Variants in ZC3H3 observed in about 807,000 individuals in gnomAD.
ZC3H3 encodes zinc finger CCCH domain-containing protein 3.
ZC3H3 carries 36 observed loss-of-function variants against 77.3 expected under a neutral mutation model. The ratio of observed to expected loss-of-function variants is 0.47; its 90% confidence interval spans 0.36 to 0.61. The LOEUF (loss-of-function observed/expected upper bound fraction) is 0.61, where lower values mean the gene tolerates loss of function less well. ZC3H3 is among the 20% of genes least tolerant of loss of function. The pLI is 0.00. For synonymous variants in ZC3H3, 626 were observed against 555.2 expected, an observed-to-expected ratio of 1.13 and a Z score of -1.79; for missense variants, 1,331 against 1,312.2, an observed-to-expected ratio of 1.01 and a Z score of -0.22.
At chr8:143,479,294 G>GGT (rs1222230642) in intron 4 of ZC3H3, among the ~76,000 whole-genome samples, 2 of 152,160 alleles carry the variant, frequency 1.3e-5, no homozygotes, top group African/African-American at 2.4e-5. Flanking sequence ...CACGGCCGTG[G>GGT]GTGTCACAGC....
At chr8:143,459,400 T>C (rs749721397) in intron 9 of ZC3H3, among the ~76,000 whole-genome samples, 1 of 152,110 alleles carries the variant, frequency 6.6e-6, no homozygotes, top group Non-Finnish European at 1.5e-5. Context: ...ACTACAAAAA[T>C]TAGCTGGGCC....
rs1371515705 is a variant in ZC3H3, at chr8:143,499,418, C to A, written c.1715+8328G>T. On this transcript the variant is annotated intron_variant, in intron 4 of 11. Coordinates refer to ENST00000262577, the MANE Select transcript of ZC3H3 (RefSeq NM_015117.3). Reference sequence around the variant, plus strand: ...GCTCCCCGCCCCCTCTGTGCTCTGGCCCTGGGTCTTGCCCCTCTGTCCTGA... The same window carrying A: ...GCTCCCCGCCCCCTCTGTGCTCTGGACCTGGGTCTTGCCCCTCTGTCCTGA... Among the ~76,000 whole-genome samples the A allele has an allele frequency of 2.0e-5, 3 of 152,078 alleles. No homozygotes were observed. The East Asian group carries it at 5.8e-4, about 29-fold the overall frequency.
chr8:143,461,262 G>A (rs545376306), intron 9 of ZC3H3, among the ~76,000 whole-genome samples: 69 of 152,242 alleles, frequency 4.5e-4, no homozygotes, highest in African/African-American at 1.5e-3. Flanking sequence ...GGTGCTCTGC[G>A]CATCCAGGCC....
intron 3 of ZC3H3, among the ~76,000 whole-genome samples, chr8:143,526,920 A>G (rs537705282): frequency 6.6e-6 from 1 of 152,260 alleles, no homozygotes; most frequent in East Asian, 1.9e-4. Context: ...AGACACCGCC[A>G]GGAGGCAAGC....
chr8:143,480,588 G>GC (rs1820881493), intron 4 of ZC3H3, among the ~76,000 whole-genome samples: 1 of 152,208 alleles, frequency 6.6e-6, no homozygotes, highest in Non-Finnish European at 1.5e-5. Flanking sequence ...TGCACTGCCT[G>GC]CCCCCAGGGT....
intron 4 of ZC3H3, among the ~76,000 whole-genome samples, chr8:143,485,114 AG>A (rs1273750157): frequency 6.6e-6 from 1 of 152,248 alleles, no homozygotes; most frequent in Non-Finnish European, 1.5e-5. Flanking sequence ...CAAATAACTG[AG>A]GAAAAATTCT....
At chr8:143,470,339 G>A (rs995365660) in intron 5 of ZC3H3, among the ~76,000 whole-genome samples, 3 of 152,252 alleles carry the variant, frequency 2.0e-5, no homozygotes, top group Non-Finnish European at 4.4e-5. Flanking sequence ...AGGAAAGGGG[G>A]CGTTGAAGAA....
chr8:143,478,344 G>A (rs1235016486), intron 4 of ZC3H3, among the ~76,000 whole-genome samples: 2 of 152,188 alleles, frequency 1.3e-5, no homozygotes, highest in Non-Finnish European at 2.9e-5. Context: ...AGCCACAGCT[G>A]GCCAGGCCCA....
intron 9 of ZC3H3, among the ~76,000 whole-genome samples, chr8:143,461,055 T>C (rs1029918108): frequency 2.0e-5 from 3 of 152,170 alleles, no homozygotes; most frequent in African/African-American, 7.2e-5. Flanking sequence ...TAGTTAGCTA[T>C]TGAACTAAGT....
chr8:143,451,617 C>G (rs1188511348), intron 9 of ZC3H3, among the ~76,000 whole-genome samples: 1 of 151,848 alleles, frequency 6.6e-6, no homozygotes, highest in Non-Finnish European at 1.5e-5. Flanking sequence ...CACCCTGTCT[C>G]TACTAAAAAT....
chr8:143,453,729 C>G (rs1820044826), intron 9 of ZC3H3, among the ~76,000 whole-genome samples: 1 of 152,116 alleles, frequency 6.6e-6, no homozygotes, highest in South Asian at 2.1e-4. Context: ...CCATCTCTTC[C>G]CCAGTTTTTA....
At chr8:143,497,735 C>T (rs1051418147) in intron 4 of ZC3H3, among the ~76,000 whole-genome samples, 2 of 152,238 alleles carry the variant, frequency 1.3e-5, no homozygotes, top group African/African-American at 2.4e-5. Context: ...GAACCAGGGC[C>T]GTCGCTACAT....
intron 9 of ZC3H3, among the ~76,000 whole-genome samples, chr8:143,463,025 G>T (rs10111294): frequency 1.1e-4 from 16 of 149,610 alleles, no homozygotes; most frequent in African/African-American, 3.7e-4. Context: ...CTCTTGTCAC[G>T]TAGGCTGGAG....
intron 3 of ZC3H3, among the ~76,000 whole-genome samples, chr8:143,524,035 G>A (rs1411670023): frequency 6.6e-6 from 1 of 152,254 alleles, no homozygotes; most frequent in Admixed American, 6.5e-5. Context: ...GCCTGGAACA[G>A]AAGTCCGTGT....
At position 143,457,964 on chromosome 8, in the gene ZC3H3, C is replaced by T. The variant is rs1820164142; in HGVS notation, c.2307+7753G>A. Among the ~76,000 whole-genome samples, 3 of 151,918 alleles carry T rather than the reference C, an allele frequency of 2.0e-5. No individual in the cohort carries two copies. The South Asian group carries it at 6.2e-4, about 32-fold the overall frequency. The stretch of plus-strand genomic sequence containing the variant: ...AACAGCAAAATAAACCACAAGTAAG[C>T]AGAAAGAAAGAAATAATAAGAGCAG... On this transcript the variant is annotated intron_variant, in intron 9 of 11. Transcript: ENST00000262577.
chr8:143,529,682 G>C (rs1237211860), intron 3 of ZC3H3, among the ~76,000 whole-genome samples: 2 of 152,210 alleles, frequency 1.3e-5, no homozygotes, highest in Non-Finnish European at 2.9e-5. Context: ...TAGAGGGTGA[G>C]ACCCAGTATC....
intron 3 of ZC3H3, among the ~76,000 whole-genome samples, chr8:143,526,642 G>A (rs538768193): frequency 1.3e-5 from 2 of 152,308 alleles, no homozygotes; most frequent in East Asian, 3.9e-4. Context: ...AGAGACAGAG[G>A]AGGCTGGCAG....
chr8:143,516,833 C>T (rs1273242293), intron 3 of ZC3H3, among the ~76,000 whole-genome samples: 2 of 152,216 alleles, frequency 1.3e-5, no homozygotes, highest in Non-Finnish European at 2.9e-5. Flanking sequence ...CTTTGACAAA[C>T]ATTTACGGAT....
chr8:143,485,916 A>C (rs2129948601), intron 4 of ZC3H3, among the ~76,000 whole-genome samples: 1 of 152,402 alleles, frequency 6.6e-6, no homozygotes, highest in East Asian at 1.9e-4. Flanking sequence ...CAGCATGGCA[A>C]GAACAGGAGA....
Sources: gnomAD v4.1 joint callset for allele counts (sites outside exome capture counted in the v4.1 genomes callset) on GRCh38, gnomAD v4.1.1 for gene constraint, MANE v1.5 for transcripts, NCBI Gene and HGNC (gene_info 2026-07-23, HGNC 2026-07-21) for gene names.